The following TBC1D32 variants were observed in gnomAD, a reference collection of about 807,000 sequenced individuals.
TBC1D32 encodes TBC1 domain family member 32.
In TBC1D32, 151 loss-of-function variants were observed where a neutral mutation model predicts 170.3. That is an observed-to-expected ratio of 0.89 (90% CI 0.78 to 1.01). The LOEUF is 1.01. Among genes scored for constraint, TBC1D32 ranks in the 50% least tolerant of loss-of-function variants. The probability of loss-of-function intolerance (pLI) is 0.00; values close to 1 mark genes in which losing one functional copy is unlikely to be tolerated. For missense variants in TBC1D32, 1,464 were observed against 1,457.1 expected (o/e 1.00, Z -0.08); for synonymous variants, 498 against 488.0 (o/e 1.02, Z -0.27).
chr6:121,145,020 G>A (rs867936202), intron 24 of TBC1D32, among the ~76,000 whole-genome samples: 19 of 152,278 alleles, frequency 1.2e-4, no homozygotes, highest in East Asian at 1.9e-4. Context: ...GCTGAAAGCC[G>A]GTGGAGTATT....
chr6:121,195,990 A>G (rs1044849376), intron 22 of TBC1D32, among the ~76,000 whole-genome samples: 22 of 152,172 alleles, frequency 1.4e-4, no homozygotes, highest in African/African-American at 5.3e-4. Flanking sequence ...TGGAAGACAC[A>G]TGATTGGAAA....
intron 31 of TBC1D32, among the ~76,000 whole-genome samples, chr6:121,086,017 A>T (rs371888449): frequency 6.6e-6 from 1 of 152,116 alleles, no homozygotes; most frequent in Admixed American, 6.6e-5. Context: ...GAGCAAAAGT[A>T]CACCAAAGTG....
chr6:121,193,837 A>C (rs576274629), intron 22 of TBC1D32, among the ~76,000 whole-genome samples: 1 of 152,318 alleles, frequency 6.6e-6, no homozygotes, highest in South Asian at 2.1e-4. Flanking sequence ...CAGCGCCTCA[A>C]TCAATTTCCA....
intron 31 of TBC1D32, among the ~76,000 whole-genome samples, chr6:121,084,117 G>A (rs894984839): frequency 6.6e-6 from 1 of 152,050 alleles, no homozygotes; most frequent in Non-Finnish European, 1.5e-5. Context: ...GGGTGGTCTT[G>A]CCTGGCCTCT....
chr6:121,325,674 GA>G (rs1211715662), intron 1 of TBC1D32, among the ~76,000 whole-genome samples: 1 of 152,150 alleles, frequency 6.6e-6, no homozygotes, highest in African/African-American at 2.4e-5. Context: ...AAAAACCCTA[GA>G]AGAAAACTTG....
intron 21 of TBC1D32, among the ~76,000 whole-genome samples, chr6:121,218,192 A>G (rs559601324): frequency 6.9e-4 from 105 of 152,346 alleles, no homozygotes; most frequent in African/African-American, 2.4e-3. Context: ...GAAGTCTACA[A>G]AGACAACTAT....
rs1253584856 is a variant in TBC1D32, at chr6:121,214,436, G to A, written c.2481+8800C>T. 2.6e-5 allele frequency among the ~76,000 whole-genome samples: 4 copies of A among 152,182 alleles called. No individual in the cohort carries two copies. The East Asian group carries it at 7.7e-4, about 29-fold the overall frequency. On this transcript the variant is annotated intron_variant, in intron 21 of 31. Transcript: ENST00000398212. Reference sequence around the variant, plus strand: ...GAAGTGGTGAGGGTTATGTGTGTGAGTGAATGAGCATGGGGTCCAGCCACT... The same window carrying A: ...GAAGTGGTGAGGGTTATGTGTGTGAATGAATGAGCATGGGGTCCAGCCACT...
At chr6:121,195,258 A>T (rs374082174) in intron 22 of TBC1D32, among the ~76,000 whole-genome samples, 3 of 152,310 alleles carry the variant, frequency 2.0e-5, no homozygotes, top group East Asian at 3.9e-4. Context: ...CAGCAGATCC[A>T]ATGAGGCTTA....
Position 121,085,290 on chromosome 6 carries a change from TATATACATAC to T in TBC1D32, c.3655-4410_3655-4401del, listed in dbSNP as rs2128169796. Among the ~76,000 whole-genome samples, 3 of 147,088 alleles carry T rather than the reference TATATACATAC, an allele frequency of 2.0e-5. No individual in the cohort carries two copies. The East Asian group carries it at 5.9e-4, about 29-fold the overall frequency. ...ATACATATATACGTATATATATACA[TATATACATAC>T]ATATATATACATATATACACATATA... On this transcript the variant is annotated intron_variant, in intron 31 of 31. Coordinates refer to ENST00000398212, the MANE Select transcript of TBC1D32 (RefSeq NM_152730.6).
intron 30 of TBC1D32, among the ~76,000 whole-genome samples, chr6:121,099,143 C>A (rs938841497): frequency 6.6e-6 from 1 of 151,824 alleles, no homozygotes; most frequent in African/African-American, 2.4e-5. Context: ...AGGGGATTAT[C>A]TGTGTTAGCC....
At chr6:121,191,749 T>C (rs1790070062) in intron 22 of TBC1D32, among the ~76,000 whole-genome samples, 1 of 152,110 alleles carries the variant, frequency 6.6e-6, no homozygotes, top group Admixed American at 6.6e-5. Context: ...GATCCTGGTG[T>C]GTCTGTGAGG....
At chr6:121,219,957 A>T (rs567601489) in intron 21 of TBC1D32, among the ~76,000 whole-genome samples, 1 of 152,318 alleles carries the variant, frequency 6.6e-6, no homozygotes, top group South Asian at 2.1e-4. Context: ...CTGTATCCAG[A>T]TAAGACAACA....
chr6:121,262,807 A>G (rs541777025), intron 15 of TBC1D32, among the ~76,000 whole-genome samples: 3 of 152,278 alleles, frequency 2.0e-5, no homozygotes, highest in East Asian at 1.9e-4. Context: ...AAAATTTTCA[A>G]CTCAGAATTT....
intron 20 of TBC1D32, among the ~76,000 whole-genome samples, chr6:121,237,629 T>C (rs1200108960): frequency 6.6e-6 from 1 of 152,032 alleles, no homozygotes; most frequent in Non-Finnish European, 1.5e-5. Flanking sequence ...CTATTATGTT[T>C]AAATCTGTGA....
chr6:121,201,392 A>G (rs1265377921), intron 22 of TBC1D32, among the ~76,000 whole-genome samples: 1 of 151,402 alleles, frequency 6.6e-6, no homozygotes, highest in Non-Finnish European at 1.5e-5. Flanking sequence ...GAAATGGGCA[A>G]AGGAACTACT....
chr6:121,098,562 C>T (rs570887293), intron 30 of TBC1D32, among the ~76,000 whole-genome samples: 6 of 152,076 alleles, frequency 3.9e-5, no homozygotes, highest in African/African-American at 1.2e-4. Flanking sequence ...ACATGAAAAA[C>T]GTAAGACTAT....
At chr6:121,176,100 T>C (rs1787727593) in intron 22 of TBC1D32, among the ~76,000 whole-genome samples, 1 of 151,908 alleles carries the variant, frequency 6.6e-6, no homozygotes. Context: ...ACGAACAAAA[T>C]TAAAAATTAA....
chr6:121,093,203 G>A (rs982870379), intron 30 of TBC1D32, among the ~76,000 whole-genome samples: 1 of 152,096 alleles, frequency 6.6e-6, no homozygotes, highest in African/African-American at 2.4e-5. Context: ...GCAACATGGA[G>A]GGTAGGTTGG....
In TBC1D32 at chr6:121,304,751, A is replaced by C. The variant is rs1563325325; in HGVS notation, c.769+4T>G. On this transcript the variant is annotated splice_donor_region_variant and intron_variant, in intron 6 of 31. Coordinates refer to ENST00000398212, the MANE Select transcript of TBC1D32 (RefSeq NM_152730.6). ...AACATTTTTAAATGTTTTCACAAAC[A>C]TACCTAAGCTTGTATAAATTTCCTT... is the stretch of plus-strand genomic sequence containing the variant. The C allele has an allele frequency of 1.3e-6, 2 of 1,588,396 alleles. No individual in the cohort carries two copies. Among genetic ancestry groups the C allele is most frequent in the South Asian group, 2.3e-5 (2 of 87,232 alleles).
Sources: gnomAD v4.1 joint callset for allele counts (sites outside exome capture counted in the v4.1 genomes callset) on GRCh38, gnomAD v4.1.1 for gene constraint, MANE v1.5 for transcripts, NCBI Gene and HGNC (gene_info 2026-07-23, HGNC 2026-07-21) for gene names.